The following PHC1 variants were observed in gnomAD, a reference collection of about 807,000 sequenced individuals.
PHC1 encodes polyhomeotic homolog 1, also known as polyhomeotic-like protein 1.
Under a neutral mutation model 104.3 loss-of-function variants are expected in PHC1, and 12 were observed. That is an observed-to-expected ratio of 0.12 (90% CI 0.07 to 0.19). The LOEUF is 0.19. Among genes scored for constraint, PHC1 ranks in the 10% least tolerant of loss-of-function variants. The pLI is 1.00. For missense variants in PHC1, 671 were observed against 1,200.0 expected (o/e 0.56, Z 6.51); for synonymous variants, 302 against 455.8 (o/e 0.66, Z 4.30).
At chr12:8,920,034 G>T in intron 3 of PHC1, 168 bp downstream of exon 3, 1 of 1,073,360 alleles carries the variant, frequency 9.3e-7, no homozygotes, top group East Asian at 2.6e-5. Flanking sequence ...TTCTGGGGTT[G>T]CAGTAAGAAC....
Position 8,937,877 on chromosome 12 carries a change from G to A in PHC1, c.2677G>A (p.Ala893Thr), listed in dbSNP as rs1341119560. 3 of 1,613,226 alleles carry A rather than the reference G, an allele frequency of 1.9e-6. No homozygotes were observed. Among genetic ancestry groups the A allele is most frequent in the South Asian group, 2.2e-5 (2 of 91,018 alleles). Reference protein sequence around the residue: ...RGSDNSSYDEALSPTSPGPLS... With the variant: ...RGSDNSSYDETLSPTSPGPLS... ...TTCAGATAATTCCAGTTATGATGAA[G>A]CACTCTCTCCAACATCTCCTGGGCC... Residue 893 changes from alanine (A) to threonine (T), a missense_variant, in exon 14 of 15, where the codon GCA becomes ACA. Physicochemically the swap from Ala to Thr is moderately conservative, Grantham distance 58 (BLOSUM62 0). Coordinates refer to ENST00000544916, the MANE Select transcript of PHC1 (RefSeq NM_004426.3).
chr12:8,925,250 TTGC>T (rs1007256835), intron 6 of PHC1, among the ~76,000 whole-genome samples: 15 of 152,236 alleles, frequency 9.9e-5, no homozygotes, highest in Non-Finnish European at 1.2e-4. Flanking sequence ...ACTAAGTGAG[TTGC>T]TGCGTTTGAC....
At chr12:8,930,243 C>T (rs1189258080) in intron 6 of PHC1, among the ~76,000 whole-genome samples, 192 bp from the exon 7 acceptor site, 1 of 152,146 alleles carries the variant, frequency 6.6e-6, no homozygotes, top group African/African-American at 2.4e-5. Flanking sequence ...GTGAAGATGG[C>T]TGAAGAATCA....
chr12:8,937,669 T>TTTG (rs1945877932), intron 13 of PHC1, among the ~76,000 whole-genome samples, 160 bp from the exon 14 acceptor site: 1 of 152,142 alleles, frequency 6.6e-6, no homozygotes, highest in Non-Finnish European at 1.5e-5. Flanking sequence ...TTTGAAAGAC[T>TTTG]TTGAGAGTAG....
At chr12:8,933,769 C>A in intron 8 of PHC1, 96 bp from the exon 9 acceptor site, 2 of 1,022,332 alleles carry the variant, frequency 2.0e-6, no homozygotes, top group East Asian at 2.5e-5. Flanking sequence ...AAATCTGGAA[C>A]TAAGAAAATT....
upstream of PHC1, chr12:8,914,020 CCTTT>C (rs1298708534): frequency 6.5e-6 from 1 of 152,698 alleles, no homozygotes; most frequent in Non-Finnish European, 1.5e-5. Context: ...CCTTTTCCTT[CCTTT>C]CCTTTGCTTC....
intron 6 of PHC1, among the ~76,000 whole-genome samples, chr12:8,924,594 G>T (rs1347086821): frequency 6.6e-6 from 1 of 152,220 alleles, no homozygotes; most frequent in Non-Finnish European, 1.5e-5. Flanking sequence ...CAGAGTCTTG[G>T]ACGAGTGGAT....
chr12:8,934,032 T>C lies in PHC1; in HGVS notation c.2041+20T>C. ...TTGGAGGTGAGTAACTGACTTCTAA[T>C]GCTGTTGGAGAGCACACAGAGTAGA... On this transcript the variant is annotated intron_variant, in intron 9 of 14. Coordinates refer to ENST00000544916, the MANE Select transcript of PHC1 (RefSeq NM_004426.3). 1 of 1,613,346 alleles carries C rather than the reference T, an allele frequency of 6.2e-7. No homozygotes were observed. The highest frequency in any genetic ancestry group is 8.5e-7 in the Non-Finnish European group (1 of 1,179,306).
At chr12:8,932,436 A>G (rs1039963531) in intron 7 of PHC1, 127 bp from the exon 8 acceptor site, 1 of 934,882 alleles carries the variant, frequency 1.1e-6, no homozygotes, top group Admixed American at 2.5e-5. Flanking sequence ...TACTGACTAG[A>G]TTTCTTTTCA....
chr12:8,917,977 A>G (rs1190450560), intron 2 of PHC1, among the ~76,000 whole-genome samples, 186 bp downstream of exon 2: 1 of 152,230 alleles, frequency 6.6e-6, no homozygotes, highest in Non-Finnish European at 1.5e-5. Flanking sequence ...GCAAACAGTG[A>G]AATCTGGTCT....
At chr12:8,937,389 G>A in intron 13 of PHC1, 63 bp downstream of exon 13, 1 of 1,422,490 alleles carries the variant, frequency 7.0e-7, no homozygotes, top group Non-Finnish European at 9.4e-7. Flanking sequence ...TCCCTGCAGG[G>A]CAATTCATTT....
intron 13 of PHC1, 105 bp from the exon 14 acceptor site, chr12:8,937,724 T>A: frequency 2.6e-6 from 2 of 770,214 alleles, no homozygotes. Flanking sequence ...TCACATATGA[T>A]AAGATGAGTT....
At chr12:8,914,297 G>A (rs1262057763), upstream of PHC1, among the ~76,000 whole-genome samples, 1 of 151,990 alleles carries the variant, frequency 6.6e-6, no homozygotes, top group Admixed American at 6.6e-5. Context: ...AGAAAGAAGG[G>A]GGTAAAAAAG....
intron 6 of PHC1, among the ~76,000 whole-genome samples, chr12:8,925,137 T>C (rs1416034179): frequency 6.6e-6 from 1 of 152,234 alleles, no homozygotes; most frequent in Non-Finnish European, 1.5e-5. Flanking sequence ...CTCCACTACT[T>C]ACTGTGTGAC....
In PHC1 at chr12:8,919,953, T is replaced by G. The variant is rs775277182; in HGVS notation, c.225+87T>G. The G allele has an allele frequency of 1.9e-6, 3 of 1,545,064 alleles. No individual in the cohort carries two copies. In the South Asian group the frequency reaches 3.6e-5, roughly 18 times the overall value. On this transcript the variant is annotated intron_variant, in intron 3 of 14. Coordinates refer to ENST00000544916, the MANE Select transcript of PHC1 (RefSeq NM_004426.3). This position sits in a 1 kb window ranked among gnomAD's most constrained non-coding sequence, Gnocchi z 4.9. Reference sequence around the variant, plus strand: ...GAGATTTTTTGGGCATATAGCATCCTATACTAAGCCAGGCTGCAGACAGCC... The same window carrying G: ...GAGATTTTTTGGGCATATAGCATCCGATACTAAGCCAGGCTGCAGACAGCC...
chr12:8,925,382 A>G (rs894529946), intron 6 of PHC1, among the ~76,000 whole-genome samples: 10 of 152,224 alleles, frequency 6.6e-5, no homozygotes, highest in African/African-American at 2.4e-4. Flanking sequence ...TGTGGAGCTC[A>G]CAGACCATTG....
chr12:8,924,099 G>C (rs1945447842), intron 6 of PHC1, among the ~76,000 whole-genome samples: 1 of 152,118 alleles, frequency 6.6e-6, no homozygotes, highest in South Asian at 2.1e-4. Flanking sequence ...ATCCCCTGTG[G>C]ATACCAAGGA....
chr12:8,936,977 C>A lies in PHC1; in HGVS notation c.2477+13C>A. ...CTTGCGCTAAGAGGTACTCTGGGCA[C>A]CCTCCTCCTTGCCCTCAGCACTGGT... is the stretch of plus-strand genomic sequence containing the variant. On this transcript the variant is annotated intron_variant, in intron 12 of 14. Transcript: ENST00000544916. 1 of 1,570,848 alleles carries A rather than the reference C, an allele frequency of 6.4e-7. No individual in the cohort carries two copies. Among genetic ancestry groups the A allele is most frequent in the Non-Finnish European group, 8.8e-7 (1 of 1,141,164 alleles).
At chr12:8,920,473 TG>T (rs1334146245) in intron 3 of PHC1, among the ~76,000 whole-genome samples, 1 of 152,286 alleles carries the variant, frequency 6.6e-6, no homozygotes, top group African/African-American at 2.4e-5. Context: ...TTTGGGAGGC[TG>T]AGGCAGGTGG....
Sources: allele counts gnomAD v4.1 joint callset (sites outside exome capture counted in the v4.1 genomes callset), GRCh38; gene constraint gnomAD v4.1.1; non-coding constraint Gnocchi (gnomAD v3.1); transcripts MANE v1.5; gene names NCBI Gene and HGNC (gene_info 2026-07-23, HGNC 2026-07-21).